TRIM16: variants seen among roughly 807,000 people sequenced by gnomAD.
TRIM16 encodes tripartite motif containing 16.
In TRIM16, 33 loss-of-function variants were observed where a neutral mutation model predicts 50.4. The observed-to-expected ratio is 0.65, with a 90% CI of 0.50 to 0.88. TRIM16 has a LOEUF of 0.88. Among genes scored for constraint, TRIM16 ranks in the 40% least tolerant of loss-of-function variants. TRIM16 has a pLI of 0.00. For synonymous variants in TRIM16, 229 were observed against 270.7 expected (o/e 0.85, Z 1.51); for missense variants, 581 against 686.8 (o/e 0.85, Z 1.72).
chr17:15,658,821 G>A (rs1988088951), intron 6 of TRIM16: 16 of 985,450 alleles, frequency 1.6e-5, no homozygotes, highest in Non-Finnish European at 1.9e-5. Flanking sequence ...CAGGCCCAAT[G>A]AACTTTCTGG....
intron 9 of TRIM16, among the ~76,000 whole-genome samples, chr17:15,634,642 AAAAAC>A (rs1986633229): frequency 1.4e-5 from 2 of 139,212 alleles, no homozygotes; most frequent in Admixed American, 6.9e-5. Flanking sequence ...AAAAAAAAAA[AAAAAC>A]AAATAAAAAT....
At position 15,682,799 on chromosome 17, in the gene TRIM16, G is replaced by A. The variant is rs188264046; in HGVS notation, c.-679+55C>T. Reference sequence around the variant, plus strand: ...AAGTAAGGTATCTTCTTTTTTCAGAGTTTCAAATTAAAAGGGAATATTAGT... The same window carrying A: ...AAGTAAGGTATCTTCTTTTTTCAGAATTTCAAATTAAAAGGGAATATTAGT... On this transcript the variant is annotated intron_variant, in intron 3 of 11. Coordinates refer to ENST00000649191, the MANE Select transcript of TRIM16 (RefSeq NM_001348119.1). The A allele has an allele frequency of 1.2e-5, 16 of 1,366,406 alleles. 1 individual carries two copies. In the African/African-American group the frequency reaches 2.1e-4, roughly 18 times the overall value. 84.6% of individuals were successfully genotyped at this position (1,366,406 alleles called of 1,614,324 possible). A position where few individuals can be genotyped will look rare whatever the true frequency, so the allele number is the denominator to read the frequency against.
At chr17:15,649,013 C>A (rs868748219) in intron 7 of TRIM16, among the ~76,000 whole-genome samples, 1 of 152,132 alleles carries the variant, frequency 6.6e-6, no homozygotes, top group Admixed American at 6.5e-5. Context: ...ACCTTATACA[C>A]TTCTCTCCTA....
At position 15,631,679 on chromosome 17, in the gene TRIM16, C is replaced by A; in HGVS notation, c.1051G>T (p.Val351Phe). 1 of 1,613,916 alleles carries A rather than the reference C, an allele frequency of 6.2e-7. No homozygotes were observed. The highest frequency in any genetic ancestry group is 8.5e-7 in the Non-Finnish European group (1 of 1,179,866). The change falls in exon 11 of 12, where the codon GTT (valine) becomes TTT (phenylalanine). Residue 351 changes from valine (V) to phenylalanine (F), a missense_variant. Physicochemically the swap from Val to Phe is conservative, Grantham distance 50. Around this residue, in one of 3 missense-constraint regions of TRIM16, gnomAD observed 450 missense variants for 544.3 expected, o/e 0.83. Coordinates refer to ENST00000649191, the MANE Select transcript of TRIM16 (RefSeq NM_001348119.1). ...TTGGAAGTCCAATATTTGCGCTGAA[C>A]AACGGCAGACACTTGAGTTCTGATG... is the stretch of plus-strand genomic sequence containing the variant. ...YDIRTQVSAV[V>F]QRKYWTSKPE...
chr17:15,680,047 T>C (rs1989121208), intron 4 of TRIM16, among the ~76,000 whole-genome samples: 1 of 152,146 alleles, frequency 6.6e-6, no homozygotes, highest in Admixed American at 6.5e-5. Context: ...ACCTCTGTGA[T>C]TTCAATGTAC....
intron 6 of TRIM16, among the ~76,000 whole-genome samples, chr17:15,675,955 C>T (rs2151425481): frequency 6.6e-6 from 1 of 151,140 alleles, no homozygotes; most frequent in African/African-American, 2.4e-5. Flanking sequence ...TGATATTATC[C>T]ACTCCCATGG....
intron 6 of TRIM16, among the ~76,000 whole-genome samples, chr17:15,674,109 C>T (rs1459699853): frequency 1.8e-4 from 27 of 152,166 alleles, no homozygotes; most frequent in African/African-American, 6.5e-4. Context: ...CGGTGGCTCA[C>T]GCCTGTAATC....
At chr17:15,653,588 GTGTCCTAA>G (rs1987833151) in intron 6 of TRIM16, among the ~76,000 whole-genome samples, 2 of 152,252 alleles carry the variant, frequency 1.3e-5, no homozygotes, top group Non-Finnish European at 2.9e-5. Context: ...GTACGTATCT[GTGTCCTAA>G]TCTCCTCTTC....
At chr17:15,637,055 C>T (rs1337119902) in intron 8 of TRIM16, among the ~76,000 whole-genome samples, 3 of 146,450 alleles carry the variant, frequency 2.0e-5, no homozygotes, top group Non-Finnish European at 4.6e-5. Flanking sequence ...GCCCGGTAGC[C>T]ACCCCATCTG....
chr17:15,643,812 G>A (rs1044265490), intron 7 of TRIM16, among the ~76,000 whole-genome samples: 32 of 152,372 alleles, frequency 2.1e-4, no homozygotes, highest in African/African-American at 7.5e-4. Context: ...CAAACAGGGA[G>A]TGTAGGGTTG....
In TRIM16 at chr17:15,632,489, T is replaced by G. The variant is rs764790544; in HGVS notation, c.1015+20A>C. 6.2e-7 allele frequency: 1 copy of G among 1,604,046 alleles called. No homozygotes were observed. Among genetic ancestry groups the G allele is most frequent in the East Asian group, 2.2e-5 (1 of 44,824 alleles). On this transcript the variant is annotated intron_variant, in intron 10 of 11. Transcript: ENST00000649191. ...CTAGAGACACACTCACTATAGTCCA[T>G]GGCCCAGAATGCGTCTCACCTTCCT...
chr17:15,651,259 G>T lies in TRIM16; in HGVS notation c.351C>A (p.His117Gln), dbSNP rs1987683456. The T allele has an allele frequency of 6.2e-7, 1 of 1,614,110 alleles. No individual in the cohort carries two copies. ...GGTCCTTCACTGGCTCGGTCAGCAG[G>T]TGGCTTTGCAGTTTGATGTTCACCT... ...PHQVNIKLQS[H>Q]LLTEPVKDHN... The change falls in exon 7 of 12, where the codon CAC becomes CAA. Residue 117 changes from histidine (H) to glutamine (Q), a missense_variant. This residue lies in a region of TRIM16 where 450 missense variants were observed against 544.3 expected (regional missense o/e 0.83). Coordinates refer to ENST00000649191, the MANE Select transcript of TRIM16 (RefSeq NM_001348119.1).
At chr17:15,646,221 G>C (rs569191342) in intron 7 of TRIM16, among the ~76,000 whole-genome samples, 3 of 151,756 alleles carry the variant, frequency 2.0e-5, no homozygotes, top group Non-Finnish European at 4.4e-5. Context: ...GTCACCCCAA[G>C]AAAAGGCACT....
chr17:15,640,115 G>T (rs1490865709), intron 8 of TRIM16, among the ~76,000 whole-genome samples: 1 of 149,322 alleles, frequency 6.7e-6, no homozygotes, highest in Non-Finnish European at 1.5e-5. Context: ...CACAGCCAAG[G>T]TTTGAACCAA....
intron 6 of TRIM16, among the ~76,000 whole-genome samples, chr17:15,660,618 G>A (rs749418922): frequency 6.6e-6 from 1 of 152,174 alleles, no homozygotes; most frequent in Non-Finnish European, 1.5e-5. Context: ...ATACAGAGGG[G>A]CCGGGCGCGG....
intron 9 of TRIM16, among the ~76,000 whole-genome samples, chr17:15,635,310 G>T (rs191895807): frequency 6.7e-6 from 1 of 148,772 alleles, no homozygotes; most frequent in East Asian, 2.0e-4. Context: ...TCAGGATGTT[G>T]CAGTTTACCC....
At chr17:15,656,807 T>C (rs992113205) in intron 6 of TRIM16, among the ~76,000 whole-genome samples, 1 of 152,184 alleles carries the variant, frequency 6.6e-6, no homozygotes, top group Non-Finnish European at 1.5e-5. Flanking sequence ...GGCTGTAACG[T>C]AGTGGTGCAA....
intron 6 of TRIM16, among the ~76,000 whole-genome samples, chr17:15,660,897 CAAAAAAAAA>C (rs550489491): frequency 1.0e-4 from 6 of 60,146 alleles, no homozygotes; most frequent in East Asian, 4.6e-4. Flanking sequence ...GACTCCATCT[CAAAAAAAAA>C]AAAAAAAAAA....
At chr17:15,666,163 A>C (rs1988491155) in intron 6 of TRIM16, among the ~76,000 whole-genome samples, 1 of 152,234 alleles carries the variant, frequency 6.6e-6, no homozygotes, top group Non-Finnish European at 1.5e-5. Flanking sequence ...AATAGGCTCC[A>C]CACTAGAATT....
Sources: gnomAD v4.1 joint callset for allele counts (sites outside exome capture counted in the v4.1 genomes callset) on GRCh38, gnomAD v4.1.1 for gene constraint, gnomAD v4.1.1 regional missense constraint, MANE v1.5 for transcripts, NCBI Gene and HGNC (gene_info 2026-07-23, HGNC 2026-07-21) for gene names.